The following NCKAP5 variants were observed in gnomAD, a reference collection of about 807,000 sequenced individuals.
NCKAP5 encodes the protein NCK associated protein 5.
A neutral mutation model predicts 167.0 loss-of-function variants in NCKAP5; 92 were observed. The ratio of observed to expected loss-of-function variants is 0.55; its 90% CI spans 0.47 to 0.66. NCKAP5 has a LOEUF of 0.66. Among genes scored for constraint, NCKAP5 ranks in the 30% least tolerant of loss-of-function variants. The pLI is 0.00. For synonymous variants in NCKAP5, 891 were observed against 877.4 expected (o/e 1.02, Z -0.27); for missense variants, 2,378 against 2,315.0 (o/e 1.03, Z -0.56).
intron 2 of NCKAP5, chr2:133,556,731 T>C (rs1383536536): frequency 6.6e-6 from 1 of 152,220 alleles, no homozygotes; most frequent in Non-Finnish European, 1.5e-5. Context: ...TTATTTTGCT[T>C]ATTTTGCTCT....
chr2:133,379,730 T>C (rs1398111545), intron 3 of NCKAP5, among the ~76,000 whole-genome samples: 1 of 152,196 alleles, frequency 6.6e-6, no homozygotes, highest in African/African-American at 2.4e-5. Flanking sequence ...CTTACTAATA[T>C]TGCATCTCAG....
chr2:133,211,141 C>T (rs765333931), intron 5 of NCKAP5, among the ~76,000 whole-genome samples: 2 of 152,122 alleles, frequency 1.3e-5, no homozygotes, highest in African/African-American at 4.8e-5. Flanking sequence ...ATCCCCCTCC[C>T]CCAGACATCC....
At chr2:133,378,628 G>C (rs570641245) in intron 3 of NCKAP5, among the ~76,000 whole-genome samples, 1 of 152,290 alleles carries the variant, frequency 6.6e-6, no homozygotes, top group South Asian at 2.1e-4. Context: ...CCCACAGCCA[G>C]GGAAAGGGTA....
intron 8 of NCKAP5, among the ~76,000 whole-genome samples, chr2:132,880,103 CAT>C (rs1409186583): frequency 6.6e-6 from 1 of 152,034 alleles, no homozygotes; most frequent in East Asian, 1.9e-4. Context: ...ATGTGGATGT[CAT>C]AACGGTAGAG....
Position 132,767,299 on chromosome 2 carries a change from T to G in NCKAP5, c.5128+6517A>C, listed in dbSNP as rs538999229. ...TTTGCTCTTGTTGCCCAGGCTGGAGTGCAATGGTGCAATCTCGGCTCACCG... is the reference window on the plus strand; with the variant it reads ...TTTGCTCTTGTTGCCCAGGCTGGAGGGCAATGGTGCAATCTCGGCTCACCG... On this transcript the variant is annotated intron_variant, in intron 16 of 19. Coordinates refer to ENST00000409261, the MANE Select transcript of NCKAP5 (RefSeq NM_207363.3). Among the ~76,000 whole-genome samples, 442 of 152,190 alleles carry G rather than the reference T, an allele frequency of 2.9e-3. 3 individuals are homozygous for G. The highest frequency in any genetic ancestry group is 4.3e-3 in the Non-Finnish European group (290 of 68,002).
At position 132,784,850 on chromosome 2, in the gene NCKAP5, T is replaced by C. The variant is rs1359894262; in HGVS notation, c.1961A>G (p.Gln654Arg). 1.9e-6 allele frequency: 3 copies of C among 1,565,120 alleles called. No individual in the cohort carries two copies. The highest frequency in any genetic ancestry group is 1.2e-5 in the South Asian group (1 of 82,290). The change falls in exon 14 of 20, where the codon CAG (glutamine) becomes CGG (arginine). Residue 654 changes from glutamine to arginine, a missense_variant. Gln to Arg is a conservative substitution (Grantham distance 43, BLOSUM62 1). Transcript: ENST00000409261. Reference sequence around the variant, plus strand: ...AGAAGTCCTTTTTACAACTCTTTGCTGCTTAATGAAACTAAAAGTCTTTGG... The same window carrying C: ...AGAAGTCCTTTTTACAACTCTTTGCCGCTTAATGAAACTAAAAGTCTTTGG... ...TRPKTFSFIK[Q>R]QRVVKRTSSE...
chr2:132,704,678 AT>A (rs1387117082), intron 19 of NCKAP5, among the ~76,000 whole-genome samples: 40 of 152,168 alleles, frequency 2.6e-4, no homozygotes, highest in African/African-American at 9.7e-4. Flanking sequence ...TCGTGTCCAC[AT>A]TTCCATTCCT....
At chr2:132,979,967 A>AT (rs202183850) in intron 7 of NCKAP5, among the ~76,000 whole-genome samples, 18 of 143,130 alleles carry the variant, frequency 1.3e-4, no homozygotes, top group Middle Eastern at 3.6e-3. Context: ...CAGTACAATG[A>AT]TTTTTTTTTT....
chr2:133,489,310 C>G (rs1224693408), intron 3 of NCKAP5, among the ~76,000 whole-genome samples: 2 of 152,008 alleles, frequency 1.3e-5, no homozygotes, highest in Admixed American at 1.3e-4. Context: ...CTGAAAGGGC[C>G]CCATGGGACA....
chr2:132,682,892 T>TG (rs1415338532), intron 19 of NCKAP5, among the ~76,000 whole-genome samples: 1 of 151,646 alleles, frequency 6.6e-6, no homozygotes, highest in African/African-American at 2.4e-5. Flanking sequence ...TTTTACTTTT[T>TG]TTTTTTTTTT....
rs560985879 is a variant in NCKAP5 at position 133,049,734 on chromosome 2, G to A, written c.342-55495C>T. Among the ~76,000 whole-genome samples the A allele has an allele frequency of 7.8e-4, 119 of 152,100 alleles. 1 individual carries two copies. In the Middle Eastern group the frequency reaches 0.017, roughly 22 times the overall value. On this transcript the variant is annotated intron_variant, in intron 6 of 19. Coordinates refer to ENST00000409261, the MANE Select transcript of NCKAP5 (RefSeq NM_207363.3). ...AGAGATTCTCATCCTGCTCATCTCC[G>A]TCACCAAGACGTGTGCTTGTGACTC... is the stretch of plus-strand genomic sequence containing the variant.
chr2:133,383,479 G>A (rs563296510), intron 3 of NCKAP5, among the ~76,000 whole-genome samples: 21 of 152,258 alleles, frequency 1.4e-4, no homozygotes, highest in Admixed American at 1.2e-3. Context: ...GGACATTTGG[G>A]TTGGTTCCAA....
chr2:132,920,781 A>ATG (rs1384191821), intron 8 of NCKAP5, among the ~76,000 whole-genome samples: 62 of 46,102 alleles, frequency 1.3e-3, no homozygotes, highest in East Asian at 2.2e-3. Flanking sequence ...GTATATATAT[A>ATG]TATATATATA....
intron 8 of NCKAP5, among the ~76,000 whole-genome samples, chr2:132,886,376 G>A (rs981606449): frequency 4.6e-5 from 7 of 152,170 alleles, no homozygotes; most frequent in African/African-American, 7.2e-5. Context: ...ACTTCGGCAT[G>A]TACTTCCTAA....
At chr2:133,262,352 A>G (rs1039782437) in intron 4 of NCKAP5, among the ~76,000 whole-genome samples, 14 of 152,202 alleles carry the variant, frequency 9.2e-5, no homozygotes, top group Non-Finnish European at 2.9e-5. Context: ...AGTTTTACCT[A>G]TAGCAGCAAG....
intron 6 of NCKAP5, among the ~76,000 whole-genome samples, chr2:133,025,364 G>T (rs2078661177): frequency 6.6e-6 from 1 of 152,220 alleles, no homozygotes; most frequent in Non-Finnish European, 1.5e-5. Flanking sequence ...GAAAGAAAAA[G>T]CTTCTACTTT....
Position 133,213,921 on chromosome 2 carries a change from T to C in NCKAP5, c.144-142A>G, listed in dbSNP as rs977473071. The C allele has an allele frequency of 2.7e-5, 19 of 712,534 alleles. 1 individual carries two copies. The African/African-American group carries it at 2.9e-4, about 11-fold the overall frequency. 44.1% of individuals were successfully genotyped at this position (712,534 alleles called of 1,614,324 possible). On this transcript the variant is annotated intron_variant, in intron 4 of 19. Transcript: ENST00000409261. ...CTTCCTCCTCTATACTTTCTATAAA[T>C]ATTTAAACTGATTGGTCATGAATGC...
rs369264733 is a variant in NCKAP5, at chr2:132,884,443, C to T, written c.580-5527G>A. 2.7e-4 allele frequency among the ~76,000 whole-genome samples: 41 copies of T among 152,304 alleles called. No homozygotes were observed. In the East Asian group the frequency reaches 3.3e-3, roughly 12 times the overall value. ...CCAGACCAAAAGGAAGAGCAGGCTC[C>T]GGTTCCAGTTCCATTCTGTTGCAGT... On this transcript the variant is annotated intron_variant, in intron 8 of 19. Coordinates refer to ENST00000409261, the MANE Select transcript of NCKAP5 (RefSeq NM_207363.3).
At chr2:133,591,627 CACAAAACAAA>C in the NCKAP5 span, among the ~76,000 whole-genome samples, 8 of 152,142 alleles carry the variant, frequency 5.3e-5, no homozygotes, top group East Asian at 3.8e-4. Context: ...GCTTGGGCGG[CACAAAACAAA>C]ACAAAACAAA....
Sources: allele counts gnomAD v4.1 joint callset (sites outside exome capture counted in the v4.1 genomes callset), GRCh38; gene constraint gnomAD v4.1.1; transcripts MANE v1.5; gene names NCBI Gene and HGNC (gene_info 2026-07-23, HGNC 2026-07-21).